GPR107: variants seen among roughly 807,000 people sequenced by gnomAD.
GPR107 encodes the protein G protein-coupled receptor 107.
Under a neutral mutation model 75.5 loss-of-function variants are expected in GPR107, and 31 were observed. The observed-to-expected ratio is 0.41, with a 90% CI of 0.31 to 0.55. The LOEUF (loss-of-function observed/expected upper bound fraction) is 0.55. Among genes scored for constraint, GPR107 ranks in the 20% least tolerant of loss-of-function variants. GPR107 has a pLI of 0.26. For synonymous variants in GPR107, 267 were observed against 251.3 expected (o/e 1.06, Z -0.59); for missense variants, 572 against 665.7 (o/e 0.86, Z 1.55).
intron 17 of GPR107, among the ~76,000 whole-genome samples, chr9:130,132,501 C>T (rs190713159): frequency 1.6e-4 from 25 of 152,294 alleles, no homozygotes; most frequent in East Asian, 7.7e-4. Flanking sequence ...ATATATTTGC[C>T]GTAGGCCAGG....
At chr9:130,091,220 G>A (rs913147718) in intron 8 of GPR107, among the ~76,000 whole-genome samples, 13 of 152,134 alleles carry the variant, frequency 8.5e-5, no homozygotes, top group Non-Finnish European at 8.8e-5. Context: ...TGGGCATGGT[G>A]GCTCATGCCT....
chr9:130,121,474 C>T (rs1831545482), intron 14 of GPR107, among the ~76,000 whole-genome samples: 1 of 152,220 alleles, frequency 6.6e-6, no homozygotes, highest in Non-Finnish European at 1.5e-5. Flanking sequence ...CCAAAACCAA[C>T]AAGGAGAACA....
chr9:130,075,555 A>T, intron 1 of GPR107, 81 bp from the exon 2 acceptor site: 1 of 781,076 alleles, frequency 1.3e-6, no homozygotes, highest in Non-Finnish European at 2.2e-6. Flanking sequence ...CTGATATCAT[A>T]CTTTTTAAAG....
intron 1 of GPR107, among the ~76,000 whole-genome samples, chr9:130,058,716 C>T (rs1263653977): frequency 3.9e-5 from 6 of 152,204 alleles, no homozygotes; most frequent in South Asian, 2.1e-4. Flanking sequence ...CCGCCCGCCT[C>T]GGCCTCCCAA....
chr9:130,123,539 T>C (rs531387653), intron 14 of GPR107, among the ~76,000 whole-genome samples: 104 of 150,194 alleles, frequency 6.9e-4, no homozygotes, highest in African/African-American at 2.4e-3. Context: ...TCTTTTTTTT[T>C]TTTTTTTTTT....
In GPR107 at chr9:130,056,147, A is replaced by G. The variant is rs1376965384; in HGVS notation, c.141+2074A>G. 2.0e-5 allele frequency among the ~76,000 whole-genome samples: 3 copies of G among 151,288 alleles called. No homozygotes were observed. The East Asian group carries it at 6.0e-4, about 30-fold the overall frequency. ...ATAGAACCTCTCTCCAGAAAAGTGC[A>G]TGTAGAAATGTAGACAAAACTTGGC... On this transcript the variant is annotated intron_variant, in intron 1 of 17. Coordinates refer to ENST00000347136, the MANE Select transcript of GPR107 (RefSeq NM_020960.5).
Position 130,107,548 on chromosome 9 carries a change from T to C in GPR107, c.1306+9T>C. On this transcript the variant is annotated intron_variant, in intron 14 of 17. Transcript: ENST00000347136. ...AGCAACAGATGGAAAAGGCAAGTTC[T>C]CTCGTGCTCATTTTGTGTTGCTCAG... 1 of 1,571,312 alleles carries C rather than the reference T, an allele frequency of 6.4e-7. No individual in the cohort carries two copies. The highest frequency in any genetic ancestry group is 8.8e-7 in the Non-Finnish European group (1 of 1,140,890).
chr9:130,133,484 C>CTTG (rs1468494716), intron 17 of GPR107, among the ~76,000 whole-genome samples: 2 of 152,108 alleles, frequency 1.3e-5, no homozygotes, highest in African/African-American at 4.8e-5. Context: ...TGGAGAGGCA[C>CTTG]GGGGGCTGCT....
chr9:130,061,668 G>A (rs1829929671), intron 1 of GPR107, among the ~76,000 whole-genome samples: 1 of 152,226 alleles, frequency 6.6e-6, no homozygotes, highest in African/African-American at 2.4e-5. Context: ...GGCAGGCCGG[G>A]CGTGGTGGCT....
intron 5 of GPR107, among the ~76,000 whole-genome samples, chr9:130,082,356 T>G (rs577351517): frequency 5.9e-5 from 9 of 152,238 alleles, no homozygotes; most frequent in Non-Finnish European, 1.3e-4. Flanking sequence ...ATCTGCTTCT[T>G]GTCTGGCTTC....
intron 1 of GPR107, 45 bp downstream of exon 1, chr9:130,054,118 C>A: frequency 7.6e-7 from 1 of 1,311,522 alleles, no homozygotes; most frequent in South Asian, 1.4e-5. Flanking sequence ...GCCGAGGCCA[C>A]TCCCCGGGTT....
chr9:130,117,892 C>G (rs1162077208), intron 14 of GPR107, among the ~76,000 whole-genome samples: 2 of 152,150 alleles, frequency 1.3e-5, no homozygotes, highest in Admixed American at 6.5e-5. Flanking sequence ...GTGGTGTAAA[C>G]TCCTTAGAAA....
intron 14 of GPR107, among the ~76,000 whole-genome samples, chr9:130,115,699 C>G (rs373117925): frequency 8.3e-6 from 1 of 120,208 alleles, no homozygotes. Flanking sequence ...CGGGAGACAG[C>G]TTGCAGTGAG....
In GPR107 at chr9:130,135,971, T is replaced by C. The variant is rs1554899924; in HGVS notation, c.*850T>C. The stretch of plus-strand genomic sequence containing the variant: ...AGCAGCACTGTCTGGCTTCCCTTCA[T>C]GCTTGTGGCTTTGTTGTGTTTGATC... On this transcript the variant is annotated 3_prime_UTR_variant, in exon 18 of 18. Coordinates refer to ENST00000347136, the MANE Select transcript of GPR107 (RefSeq NM_020960.5). 2.0e-5 allele frequency: 3 copies of C among 152,420 alleles called. No homozygotes were observed. Among genetic ancestry groups the C allele is most frequent in the African/African-American group, 7.2e-5 (3 of 41,590 alleles). The allele number at this position is 152,420 out of a possible 1,614,324, so 9.4% of individuals were successfully genotyped here.
intron 13 of GPR107, among the ~76,000 whole-genome samples, chr9:130,105,653 A>G (rs894207471): frequency 6.6e-6 from 1 of 151,854 alleles, no homozygotes; most frequent in East Asian, 1.9e-4. Flanking sequence ...CATGGTGCAA[A>G]TGGAGAGTAC....
intron 14 of GPR107, among the ~76,000 whole-genome samples, chr9:130,124,668 C>T (rs967131962): frequency 2.0e-5 from 3 of 152,176 alleles, no homozygotes; most frequent in Non-Finnish European, 4.4e-5. Context: ...GACCCTGGGG[C>T]GGGAATCGCC....
chr9:130,096,116 A>G (rs1456464677), intron 9 of GPR107, among the ~76,000 whole-genome samples: 1 of 152,140 alleles, frequency 6.6e-6, no homozygotes. Context: ...TCTCTGCCCC[A>G]TCGTAGATAT....
At chr9:130,081,354 A>G (rs1046210106) in intron 5 of GPR107, among the ~76,000 whole-genome samples, 13 of 152,096 alleles carry the variant, frequency 8.5e-5, no homozygotes, top group Non-Finnish European at 1.8e-4. Context: ...CCTGGCCAAC[A>G]TGGTGAAACC....
intron 9 of GPR107, among the ~76,000 whole-genome samples, chr9:130,096,904 T>C (rs10988591): frequency 6.6e-6 from 1 of 152,054 alleles, no homozygotes; most frequent in Non-Finnish European, 1.5e-5. Context: ...TGTGGCTGAG[T>C]GTGCATCTCA....
Sources: allele counts gnomAD v4.1 joint callset (sites outside exome capture counted in the v4.1 genomes callset), GRCh38; gene constraint gnomAD v4.1.1; transcripts MANE v1.5; gene names NCBI Gene and HGNC (gene_info 2026-07-23, HGNC 2026-07-21).